SHANK2: variants seen among roughly 807,000 people sequenced by gnomAD.
The protein encoded by SHANK2 is SH3 and multiple ankyrin repeat domains 2, also known as SH3 and multiple ankyrin repeat domains protein 2.
In SHANK2, 43 loss-of-function variants were observed where a neutral mutation model predicts 133.7. The ratio of observed to expected loss-of-function variants is 0.32; its 90% CI spans 0.25 to 0.41. The LOEUF (loss-of-function observed/expected upper bound fraction) is 0.41. Ranked by LOEUF, SHANK2 falls within the 10% of genes least tolerant of loss-of-function variation. The probability of loss-of-function intolerance (pLI) is 1.00; values close to 1 mark genes in which losing one functional copy is unlikely to be tolerated. For synonymous variants in SHANK2, 1,017 were observed against 952.8 expected (o/e 1.07, Z -1.24); for missense variants, 1,994 against 2,235.8 (o/e 0.89, Z 2.18).
At chr11:70,813,804 G>A (rs1304124272) in intron 12 of SHANK2, among the ~76,000 whole-genome samples, 1 of 152,170 alleles carries the variant, frequency 6.6e-6, no homozygotes, top group Non-Finnish European at 1.5e-5. Flanking sequence ...GGCTTCCCAG[G>A]ACTGTGAAAG....
Position 70,782,173 on chromosome 11 carries a change from T to A in SHANK2, c.1777+16270A>T, listed in dbSNP as rs1947513152. On this transcript the variant is annotated intron_variant, in intron 14 of 25. Coordinates refer to ENST00000601538, the MANE Select transcript of SHANK2 (RefSeq NM_012309.5). Reference sequence around the variant, plus strand: ...TCTGCCTCCTGGGTTCAAGTGATTCTCCTGCCTCAGCCTCCTGAGTAGCTG... The same window carrying A: ...TCTGCCTCCTGGGTTCAAGTGATTCACCTGCCTCAGCCTCCTGAGTAGCTG... Among the ~76,000 whole-genome samples the A allele has an allele frequency of 1.3e-5, 2 of 152,298 alleles. 1 individual carries two copies. Among genetic ancestry groups the A allele is most frequent in the South Asian group, 4.1e-4 (2 of 4,832 alleles).
intron 25 of SHANK2, among the ~76,000 whole-genome samples, chr11:70,477,060 G>A (rs948060572): frequency 1.3e-5 from 2 of 152,210 alleles, no homozygotes; most frequent in African/African-American, 2.4e-5. Flanking sequence ...GTTAGGAAGC[G>A]AAGAGGAGGC....
At chr11:70,477,026 G>C (rs2135684273) in intron 25 of SHANK2, among the ~76,000 whole-genome samples, 1 of 152,336 alleles carries the variant, frequency 6.6e-6, no homozygotes, top group East Asian at 1.9e-4. Context: ...GTAAGGAAAG[G>C]CTCTGCAGGC....
At chr11:70,591,098 T>C (rs2060314717) in intron 17 of SHANK2, among the ~76,000 whole-genome samples, 1 of 152,162 alleles carries the variant, frequency 6.6e-6, no homozygotes, top group South Asian at 2.1e-4. Flanking sequence ...TCCCAGCACT[T>C]TGGGAGGCCG....
chr11:70,676,928 A>C (rs1944915136), intron 15 of SHANK2, among the ~76,000 whole-genome samples: 1 of 152,218 alleles, frequency 6.6e-6, no homozygotes, highest in Non-Finnish European at 1.5e-5. Flanking sequence ...AACAGAACTA[A>C]GGAAAAGTGG....
At chr11:71,070,593 A>T (rs1197280041) in intron 9 of SHANK2, among the ~76,000 whole-genome samples, 1 of 151,694 alleles carries the variant, frequency 6.6e-6, no homozygotes, top group Admixed American at 6.6e-5. Flanking sequence ...CATCAATAAG[A>T]CAAATGGGGG....
Position 70,485,583 on chromosome 11 carries a change from T to A in SHANK2, c.4710A>T (p.Glu1570Asp), listed in dbSNP as rs2058790483. 1 of 1,613,704 alleles carries A rather than the reference T, an allele frequency of 6.2e-7. No homozygotes were observed. Among genetic ancestry groups the A allele is most frequent in the South Asian group, 1.1e-5 (1 of 91,078 alleles). Residue 1570 changes from glutamate to aspartate, a missense_variant, in exon 25 of 26, where the codon GAA becomes GAT. This residue lies in a region of SHANK2 where 797 missense variants were observed against 907.4 expected (regional missense o/e 0.88). Coordinates refer to ENST00000601538, the MANE Select transcript of SHANK2 (RefSeq NM_012309.5). The surrounding 1 kb of genome is among the most constrained non-coding windows in gnomAD (Gnocchi z 5.8). ...NALYQDALVE[E>D]DVDSFVIPPP... ...GGGGGATAACAAAGCTATCTACATC[T>A]TCTTCCACGAGCGCGTCTTGATAAA...
At chr11:70,888,589 G>A (rs1298004241) in intron 11 of SHANK2, among the ~76,000 whole-genome samples, 2 of 152,122 alleles carry the variant, frequency 1.3e-5, no homozygotes, top group African/African-American at 2.4e-5. Flanking sequence ...GGCTGAGGTG[G>A]GTGGATCACC....
chr11:71,084,055 T>C lies in SHANK2; in HGVS notation c.912+8367A>G, dbSNP rs923554128. Among the ~76,000 whole-genome samples the C allele has an allele frequency of 8.1e-3, 1,231 of 151,916 alleles. 25 individuals carry two copies. Among genetic ancestry groups the C allele is most frequent in the African/African-American group, 0.029 (1,186 of 41,402 alleles). The stretch of plus-strand genomic sequence containing the variant: ...CGCAGTCTCAGCTCGCTGCAAGCTC[T>C]GCCTCCTGGGTTCATGCCATTCTCC... On this transcript the variant is annotated intron_variant, in intron 8 of 25. Coordinates refer to ENST00000601538, the MANE Select transcript of SHANK2 (RefSeq NM_012309.5).
Position 70,707,431 on chromosome 11 carries a change from A to C in SHANK2, c.1778-8668T>G, listed in dbSNP as rs541726994. 1.6e-3 allele frequency among the ~76,000 whole-genome samples: 242 copies of C among 150,368 alleles called. 2 individuals carry two copies. Among genetic ancestry groups the C allele is most frequent in the African/African-American group, 5.7e-3 (232 of 41,048 alleles). On this transcript the variant is annotated intron_variant, in intron 14 of 25. Coordinates refer to ENST00000601538, the MANE Select transcript of SHANK2 (RefSeq NM_012309.5). ...GAGATAGAAGGTGAGAGGTGAGGACAGGGTCCTGTGAGCATGCTGACCTCT... is the reference window on the plus strand; with the variant it reads ...GAGATAGAAGGTGAGAGGTGAGGACCGGGTCCTGTGAGCATGCTGACCTCT...
intron 1 of SHANK2, among the ~76,000 whole-genome samples, chr11:71,240,166 T>C (rs1399347208): frequency 6.6e-6 from 1 of 152,122 alleles, no homozygotes; most frequent in Middle Eastern, 3.2e-3. Flanking sequence ...GGATAGGGAT[T>C]CTCGGATCCA....
intron 10 of SHANK2, 25 bp from the exon 11 acceptor site, chr11:70,896,592 T>G (rs1555075748): frequency 1.4e-6 from 1 of 718,566 alleles, no homozygotes; most frequent in Admixed American, 2.0e-5. Context: ...TCACATTAAG[T>G]TAAGTGTCAC....
At chr11:70,783,739 C>G (rs1947567629) in intron 14 of SHANK2, among the ~76,000 whole-genome samples, 2 of 152,172 alleles carry the variant, frequency 1.3e-5, no homozygotes, top group African/African-American at 4.8e-5. Flanking sequence ...TGTTTTATAA[C>G]TGCCCACTGG....
chr11:70,709,547 A>T (rs1444431903), intron 14 of SHANK2, among the ~76,000 whole-genome samples: 2 of 152,172 alleles, frequency 1.3e-5, no homozygotes, highest in Admixed American at 1.3e-4. Flanking sequence ...GACAGAGCCT[A>T]CTCGGTGACC....
At chr11:71,095,157 C>T (rs1320990975) in intron 6 of SHANK2, among the ~76,000 whole-genome samples, 1 of 152,226 alleles carries the variant, frequency 6.6e-6, no homozygotes, top group Non-Finnish European at 1.5e-5. Flanking sequence ...GACACAAACA[C>T]AAATGAGACA....
chr11:70,852,116 G>A (rs548131298), intron 11 of SHANK2, among the ~76,000 whole-genome samples: 31 of 152,300 alleles, frequency 2.0e-4, no homozygotes, highest in Middle Eastern at 3.4e-3. Flanking sequence ...GGGGAGGAGC[G>A]TGGGCAGGGT....
At chr11:70,552,719 G>A (rs1554978461) in intron 17 of SHANK2, among the ~76,000 whole-genome samples, 1 of 152,184 alleles carries the variant, frequency 6.6e-6, no homozygotes, top group Non-Finnish European at 1.5e-5. Flanking sequence ...GACACAGCCT[G>A]GGGTGCAAGG....
At position 71,252,431 on chromosome 11, in the gene SHANK2, C is replaced by T. The variant is rs1374399538; in HGVS notation, c.-119G>A. 1 of 151,896 alleles carries T rather than the reference C, an allele frequency of 6.6e-6. No individual in the cohort carries two copies. Among genetic ancestry groups the T allele is most frequent in the African/African-American group, 2.4e-5 (1 of 41,396 alleles). The allele number at this position is 151,896 out of a possible 1,614,324, so 9.4% of individuals were successfully genotyped here. ...TCCCCGGCCGCCGCCTCACCTGGCT[C>T]GGCGAGTCGGGGGCGGGTCCGAGCC... On this transcript the variant is annotated 5_prime_UTR_variant, in exon 1 of 26. Transcript: ENST00000601538. This position sits in a 1 kb window ranked among gnomAD's most constrained non-coding sequence, Gnocchi z 6.3.
intron 1 of SHANK2, among the ~76,000 whole-genome samples, chr11:71,228,774 A>AT (rs1954686305): frequency 6.6e-6 from 1 of 152,232 alleles, no homozygotes; most frequent in South Asian, 2.1e-4. Flanking sequence ...TTAATTAATA[A>AT]TTTTTTAAAA....
Sources: gnomAD v4.1 joint callset for allele counts (sites outside exome capture counted in the v4.1 genomes callset) on GRCh38, gnomAD v4.1.1 for gene constraint, gnomAD v4.1.1 regional missense constraint, Gnocchi (gnomAD v3.1) non-coding constraint, MANE v1.5 for transcripts, NCBI Gene and HGNC (gene_info 2026-07-23, HGNC 2026-07-21) for gene names.